The following BEND3 variants were observed in gnomAD, a reference collection of about 807,000 sequenced individuals.
The protein encoded by BEND3 is BEN domain-containing protein 3.
A neutral mutation model predicts 60.1 loss-of-function variants in BEND3; 13 were observed. The ratio of observed to expected loss-of-function variants is 0.22; its 90% confidence interval spans 0.14 to 0.34. BEND3 has a LOEUF of 0.34. BEND3 is among the 10% of genes least tolerant of loss of function. The probability of loss-of-function intolerance (pLI) is 1.00; values close to 1 mark genes in which losing one functional copy is unlikely to be tolerated. For synonymous variants in BEND3, 497 were observed against 491.5 expected (o/e 1.01, Z -0.15); for missense variants, 896 against 1,138.1 (o/e 0.79, Z 3.06).
intron 3 of BEND3, among the ~76,000 whole-genome samples, chr6:107,078,014 CAA>C (rs1554232968): frequency 6.6e-6 from 1 of 152,164 alleles, no homozygotes; most frequent in African/African-American, 2.4e-5. Context: ...CTTCTGTGAA[CAA>C]AAAGATGATT....
intron 3 of BEND3, among the ~76,000 whole-genome samples, chr6:107,081,773 T>C (rs1384609070): frequency 6.0e-5 from 9 of 151,102 alleles, no homozygotes; most frequent in Non-Finnish European, 1.0e-4. Flanking sequence ...AGTGAGACCC[T>C]GTCTCAAAAA....
At chr6:107,103,607 T>A (rs797044186) in intron 1 of BEND3, among the ~76,000 whole-genome samples, 1 of 152,106 alleles carries the variant, frequency 6.6e-6, no homozygotes, top group African/African-American at 2.4e-5. Flanking sequence ...CCAAGGGATG[T>A]CTGTTCTATG....
intron 1 of BEND3, among the ~76,000 whole-genome samples, chr6:107,108,327 G>A (rs138254193): frequency 4.6e-5 from 7 of 152,194 alleles, no homozygotes; most frequent in African/African-American, 9.6e-5. Context: ...TTCCACTTAC[G>A]TTCTCCCCAA....
At chr6:107,103,696 C>A (rs1167849188) in intron 1 of BEND3, among the ~76,000 whole-genome samples, 1 of 152,164 alleles carries the variant, frequency 6.6e-6, no homozygotes, top group Non-Finnish European at 1.5e-5. Context: ...CGCCTGTAAT[C>A]CCAGGACTTT....
chr6:107,070,002 GGTCCTGCGTGTCC>G lies in BEND3; in HGVS notation c.1176_1188del (p.Asp393SerfsTer143). The G allele has an allele frequency of 6.2e-7, 1 of 1,613,812 alleles. No homozygotes were observed. The highest frequency in any genetic ancestry group is 8.5e-7 in the Non-Finnish European group (1 of 1,180,034). The stretch of plus-strand genomic sequence containing the variant: ...GAGGCTTCGTCCAGGAACTCAGTGA[GGTCCTGCGTGTCC>G]ACCACGTGGTCTGAGGCGATGGTGC... On this transcript the variant is annotated frameshift_variant, in exon 4 of 4. Coordinates refer to ENST00000369042, the MANE Select transcript of BEND3 (RefSeq NM_001367314.1). LOFTEE classifies it high-confidence loss of function. The surrounding 1 kb of genome is among the most constrained non-coding windows in gnomAD (Gnocchi z 6.9).
chr6:107,073,723 C>T (rs1472961779), intron 3 of BEND3, among the ~76,000 whole-genome samples: 1 of 151,794 alleles, frequency 6.6e-6, no homozygotes, highest in African/African-American at 2.4e-5. Flanking sequence ...TGGTGAAACC[C>T]CACCTCTACA....
At position 107,070,131 on chromosome 6, in the gene BEND3, C is replaced by A; in HGVS notation, c.1060G>T (p.Val354Phe). ...EMEDSQPSGQ[V>F]ASFFEAEQVD... ...TGCTCTGCCTCAAAGAAGCTGGCGA[C>A]CTGGCCGCTGGGCTGGCTGTCCTCC... Residue 354 changes from valine (V) to phenylalanine (F), a missense_variant, in exon 4 of 4, where the codon GTC becomes TTC. Transcript: ENST00000369042. The surrounding 1 kb of genome is among the most constrained non-coding windows in gnomAD (Gnocchi z 6.9). The A allele has an allele frequency of 6.2e-7, 1 of 1,613,190 alleles. No homozygotes were observed. Among genetic ancestry groups the A allele is most frequent in the Non-Finnish European group, 8.5e-7 (1 of 1,180,000 alleles).
Position 107,069,071 on chromosome 6 carries a change from A to G in BEND3, c.2120T>C (p.Val707Ala), listed in dbSNP as rs1554231325. The G allele has an allele frequency of 6.2e-7, 1 of 1,612,984 alleles. No homozygotes were observed. The highest frequency in any genetic ancestry group is 8.5e-7 in the Non-Finnish European group (1 of 1,179,916). The change falls in exon 4 of 4, where the codon GTG becomes GCG. Residue 707 changes from valine to alanine, a missense_variant. Transcript: ENST00000369042. The stretch of plus-strand genomic sequence containing the variant: ...CACCGGGAAGTCAGGCGAGGGGACC[A>G]CCAGCTCGTCCAAGGGGATCTTGCA... ...DFCKIPLDEL[V>A]VPSPDFPVPS...
chr6:107,083,188 G>A (rs1562305307), intron 3 of BEND3, among the ~76,000 whole-genome samples: 2 of 152,160 alleles, frequency 1.3e-5, no homozygotes, highest in Non-Finnish European at 2.9e-5. Flanking sequence ...AGATCTGTGG[G>A]TTTTCATCTA....
intron 3 of BEND3, 37 bp downstream of exon 3, chr6:107,098,514 G>A: frequency 6.3e-7 from 1 of 1,599,182 alleles, no homozygotes. Flanking sequence ...GAGAGGGTTA[G>A]AGCCCAAGCA....
rs1554239151 is a variant in BEND3, at chr6:107,115,224, G to C, written c.-146C>G. 6.7e-6 allele frequency: 1 copy of C among 149,674 alleles called. No homozygotes were observed. Among genetic ancestry groups the C allele is most frequent in the African/African-American group, 2.4e-5 (1 of 40,988 alleles). The allele number at this position is 149,674 out of a possible 1,614,324, so 9.3% of individuals were successfully genotyped here. A position where few individuals can be genotyped will look rare whatever the true frequency, so the allele number is the denominator to read the frequency against. On this transcript the variant is annotated 5_prime_UTR_variant, in exon 1 of 4. Transcript: ENST00000369042. ...CCAGGGCGGCCCGGGGAGGCGCTGG[G>C]GGCGGCGGGCGGGCGAGCGCCGTGT...
intron 1 of BEND3, among the ~76,000 whole-genome samples, chr6:107,107,703 C>A (rs994707230): frequency 6.6e-6 from 1 of 152,162 alleles, no homozygotes; most frequent in South Asian, 2.1e-4. Context: ...CTTCAAAGTT[C>A]CACCTGCCTT....
Position 107,070,995 on chromosome 6 carries a change from G to A in BEND3, c.241-45C>T, listed in dbSNP as rs1554231999. 1 of 1,534,782 alleles carries A rather than the reference G, an allele frequency of 6.5e-7. No individual in the cohort carries two copies. The highest frequency in any genetic ancestry group is 8.8e-7 in the Non-Finnish European group (1 of 1,138,892). ...TCCCAGAGTGTTAGGTGGGTGCTGT[G>A]GTTTATGACACTAAACAAGGGTCTG... On this transcript the variant is annotated intron_variant, in intron 3 of 3. Coordinates refer to ENST00000369042, the MANE Select transcript of BEND3 (RefSeq NM_001367314.1). The surrounding 1 kb of genome is among the most constrained non-coding windows in gnomAD (Gnocchi z 6.9).
At chr6:107,093,859 A>T (rs576734158) in intron 3 of BEND3, among the ~76,000 whole-genome samples, 3 of 152,252 alleles carry the variant, frequency 2.0e-5, no homozygotes, top group Non-Finnish European at 4.4e-5. Flanking sequence ...ATGATACCAA[A>T]GCCACAGTCT....
rs1195179373 is a variant in BEND3 at position 107,068,602 on chromosome 6, G to C, written c.*102C>G. On this transcript the variant is annotated 3_prime_UTR_variant, in exon 4 of 4. Transcript: ENST00000369042. This position sits in a 1 kb window ranked among gnomAD's most constrained non-coding sequence, Gnocchi z 5.8. ...CACTCCCCACGGACATAAGGTGCCT[G>C]TCTGTGGATGCCATAGGCGTGCTCC... 7.6e-7 allele frequency: 1 copy of C among 1,317,764 alleles called. No individual in the cohort carries two copies. Among genetic ancestry groups the C allele is most frequent in the African/African-American group, 1.5e-5 (1 of 67,918 alleles). The allele number at this position is 1,317,764 out of a possible 1,614,324, so 81.6% of individuals were successfully genotyped here.
chr6:107,104,867 G>A (rs895978975), intron 1 of BEND3, among the ~76,000 whole-genome samples: 4 of 151,670 alleles, frequency 2.6e-5, no homozygotes, highest in Admixed American at 6.6e-5. Context: ...GCCTCCCTAC[G>A]TTGCCCAAGC....
intron 1 of BEND3, among the ~76,000 whole-genome samples, chr6:107,107,651 C>T (rs1321697033): frequency 5.9e-5 from 9 of 152,018 alleles, no homozygotes; most frequent in African/African-American, 1.2e-4. Context: ...TCAGTAGAGA[C>T]GGGGTTTTAC....
At chr6:107,087,760 A>G (rs1314213161) in intron 3 of BEND3, among the ~76,000 whole-genome samples, 1 of 151,150 alleles carries the variant, frequency 6.6e-6, no homozygotes, top group Non-Finnish European at 1.5e-5. Flanking sequence ...AAACAAAAAA[A>G]CAGATGGTCA....
intron 3 of BEND3, among the ~76,000 whole-genome samples, chr6:107,094,430 T>C: frequency 6.6e-6 from 1 of 151,984 alleles, no homozygotes; most frequent in East Asian, 1.9e-4. Context: ...AAGACCAGCC[T>C]GACCAACATA....
Sources: gnomAD v4.1 joint callset for allele counts (sites outside exome capture counted in the v4.1 genomes callset) on GRCh38, gnomAD v4.1.1 for gene constraint, Gnocchi (gnomAD v3.1) non-coding constraint, MANE v1.5 for transcripts, NCBI Gene and HGNC (gene_info 2026-07-23, HGNC 2026-07-21) for gene names.